Variants in MACROD2 observed in about 807,000 individuals in gnomAD.
The protein encoded by MACROD2 is mono-ADP ribosylhydrolase 2.
MACROD2 carries 36 observed loss-of-function variants against 70.4 expected under a neutral mutation model. That is an observed-to-expected ratio of 0.51 (90% CI 0.39 to 0.68). MACROD2 has a LOEUF of 0.68. MACROD2 is among the 30% of genes least tolerant of loss of function. The pLI is 0.00. For missense variants in MACROD2, 496 were observed against 538.4 expected, an observed-to-expected ratio of 0.92 and a Z score of 0.78; for synonymous variants, 172 against 178.8, an observed-to-expected ratio of 0.96 and a Z score of 0.30.
At chr20:15,923,446 G>A (rs2147295491) in intron 10 of MACROD2, among the ~76,000 whole-genome samples, 1 of 152,266 alleles carries the variant, frequency 6.6e-6, no homozygotes, top group Admixed American at 6.5e-5. Flanking sequence ...CACAACACAT[G>A]GGAATTCTGG....
intron 8 of MACROD2, among the ~76,000 whole-genome samples, chr20:15,646,304 G>C (rs1376531690): frequency 1.3e-5 from 2 of 152,142 alleles, no homozygotes; most frequent in African/African-American, 4.8e-5. Context: ...TAAACCTTCT[G>C]ATGAGCCCCA....
At chr20:15,772,114 A>G (rs1311050097) in intron 8 of MACROD2, among the ~76,000 whole-genome samples, 2 of 140,666 alleles carry the variant, frequency 1.4e-5, no homozygotes, top group Admixed American at 7.2e-5. Context: ...ATATATATAT[A>G]TATATATATA....
intron 5 of MACROD2, among the ~76,000 whole-genome samples, chr20:14,876,027 A>T (rs1384109093): frequency 6.6e-6 from 1 of 152,120 alleles, no homozygotes; most frequent in Non-Finnish European, 1.5e-5. Flanking sequence ...GTTTTAAATT[A>T]TTTGAGAAAT....
intron 5 of MACROD2, among the ~76,000 whole-genome samples, chr20:15,117,931 ATCAG>A (rs199688959): frequency 0.1 from 15,797 of 152,178 alleles, 1,018 homozygotes; most frequent in Middle Eastern, 0.18. Flanking sequence ...CTAGTAAAGA[ATCAG>A]TCAATGTTTT....
chr20:15,220,905 A>G (rs1048142875), intron 5 of MACROD2, among the ~76,000 whole-genome samples: 1 of 152,158 alleles, frequency 6.6e-6, no homozygotes, highest in Non-Finnish European at 1.5e-5. Flanking sequence ...TATATAAAGG[A>G]CAGAATTAAT....
intron 3 of MACROD2, among the ~76,000 whole-genome samples, chr20:14,255,683 TAATA>T (rs199558871): frequency 0.1 from 14,295 of 136,784 alleles, 834 homozygotes; most frequent in African/African-American, 0.16. Flanking sequence ...CTTAAAAGTA[TAATA>T]AATAAATAAA....
intron 5 of MACROD2, among the ~76,000 whole-genome samples, chr20:15,001,683 A>G (rs1221037491): frequency 1.3e-5 from 2 of 152,086 alleles, no homozygotes; most frequent in African/African-American, 2.4e-5. Context: ...AATGAGGTCT[A>G]GAACATGTTA....
chr20:15,066,218 G>T (rs756153060), intron 5 of MACROD2, among the ~76,000 whole-genome samples: 2 of 151,414 alleles, frequency 1.3e-5, no homozygotes, highest in African/African-American at 4.8e-5. Flanking sequence ...TGCAACTTCC[G>T]CCTCCTGGGT....
chr20:14,941,946 G>T (rs909043703), intron 5 of MACROD2, among the ~76,000 whole-genome samples: 1 of 141,370 alleles, frequency 7.1e-6, no homozygotes, highest in African/African-American at 2.8e-5. Flanking sequence ...ACCATGCCCG[G>T]CTATTTTTTT....
At chr20:15,854,024 G>T (rs1354499821) in intron 8 of MACROD2, among the ~76,000 whole-genome samples, 1 of 152,098 alleles carries the variant, frequency 6.6e-6, no homozygotes, top group Non-Finnish European at 1.5e-5. Flanking sequence ...GTTCAAAACA[G>T]CCTCCAAGAT....
chr20:15,952,526 T>A (rs1277403897), intron 12 of MACROD2, among the ~76,000 whole-genome samples: 3 of 152,122 alleles, frequency 2.0e-5, no homozygotes, highest in African/African-American at 7.2e-5. Context: ...ACCTGATTTA[T>A]CATCTAATAC....
intron 13 of MACROD2, chr20:15,985,638 C>G (rs1028918168): frequency 1.3e-5 from 2 of 152,632 alleles, no homozygotes; most frequent in Admixed American, 6.5e-5. Flanking sequence ...CGGGAGTGCT[C>G]TTTGGATCCT....
chr20:15,146,339 A>T (rs186894097), intron 5 of MACROD2, among the ~76,000 whole-genome samples: 24 of 152,240 alleles, frequency 1.6e-4, no homozygotes, highest in Admixed American at 1.2e-3. Context: ...TCTGATCCTT[A>T]TTTATTTACT....
At chr20:15,503,934 T>C (rs1442201855) in intron 8 of MACROD2, among the ~76,000 whole-genome samples, 1 of 152,220 alleles carries the variant, frequency 6.6e-6, no homozygotes, top group Non-Finnish European at 1.5e-5. Flanking sequence ...GAGTTTATTA[T>C]TCAACATTCA....
intron 3 of MACROD2, among the ~76,000 whole-genome samples, chr20:14,193,486 C>T (rs1387364349): frequency 5.9e-5 from 9 of 152,126 alleles, no homozygotes; most frequent in Non-Finnish European, 1.3e-4. Context: ...GAAGGGACTA[C>T]TTACAAAGGA....
chr20:15,416,491 G>T (rs539450816), intron 6 of MACROD2, among the ~76,000 whole-genome samples: 1 of 152,252 alleles, frequency 6.6e-6, no homozygotes, highest in South Asian at 2.1e-4. Context: ...TTTGTTTAAA[G>T]CCCTCATTCT....
intron 8 of MACROD2, among the ~76,000 whole-genome samples, chr20:15,667,121 G>GGGCCTGGTGGGAGGTGT (rs1282024367): frequency 6.6e-6 from 1 of 152,166 alleles, no homozygotes; most frequent in Non-Finnish European, 1.5e-5. Context: ...GCTGGAGGTG[G>GGGCCTGGTGGGAGGTGT]GGCCTGGTGG....
chr20:14,314,736 G>A (rs1196756227), intron 3 of MACROD2, among the ~76,000 whole-genome samples: 1 of 150,892 alleles, frequency 6.6e-6, no homozygotes, highest in Non-Finnish European at 1.5e-5. Flanking sequence ...CTCCTGCCTG[G>A]GCAACAAGAG....
At chr20:14,773,792 A>G (rs2072201082) in intron 5 of MACROD2, among the ~76,000 whole-genome samples, 1 of 152,030 alleles carries the variant, frequency 6.6e-6, no homozygotes, top group Admixed American at 6.6e-5. Flanking sequence ...ATAAAGTACC[A>G]CAAACTGAAT....
Sources: gnomAD v4.1 joint callset for allele counts (sites outside exome capture counted in the v4.1 genomes callset) on GRCh38, gnomAD v4.1.1 for gene constraint, MANE v1.5 for transcripts, NCBI Gene and HGNC (gene_info 2026-07-23, HGNC 2026-07-21) for gene names.